SDK1: variants seen among roughly 807,000 people sequenced by gnomAD.
SDK1 encodes sidekick cell adhesion molecule 1.
A neutral mutation model predicts 245.5 loss-of-function variants in SDK1; 157 were observed. That is an observed-to-expected ratio of 0.64 (90% CI 0.56 to 0.73). SDK1 has a LOEUF of 0.73. Ranked by LOEUF, SDK1 falls within the 30% of genes least tolerant of loss-of-function variation. SDK1 has a pLI of 0.00. For missense variants in SDK1, 3,583 were observed against 3,002.3 expected, an observed-to-expected ratio of 1.19 and a Z score of -4.52; for synonymous variants, 1,647 against 1,278.5, an observed-to-expected ratio of 1.29 and a Z score of -6.15.
At chr7:3,309,194 G>C (rs1347094476) in intron 1 of SDK1, among the ~76,000 whole-genome samples, 1 of 152,046 alleles carries the variant, frequency 6.6e-6, no homozygotes, top group Non-Finnish European at 1.5e-5. Flanking sequence ...GTGAAGGTCA[G>C]TTTTGTCTTC....
intron 1 of SDK1, among the ~76,000 whole-genome samples, chr7:3,373,869 C>A (rs894356805): frequency 6.6e-6 from 1 of 152,094 alleles, no homozygotes; most frequent in Non-Finnish European, 1.5e-5. Context: ...AGACCTCATT[C>A]ACAATCACAA....
intron 5 of SDK1, among the ~76,000 whole-genome samples, chr7:3,873,508 G>C (rs764236231): frequency 6.6e-6 from 1 of 152,082 alleles, no homozygotes; most frequent in South Asian, 2.1e-4. Context: ...GAAAATCCTA[G>C]CCCATTATTT....
In SDK1 at chr7:3,550,010, A is replaced by G. The variant is rs1322739577; in HGVS notation, c.299-69070A>G. Among the ~76,000 whole-genome samples, 3 of 152,290 alleles carry G rather than the reference A, an allele frequency of 2.0e-5. No individual in the cohort carries two copies. The East Asian group carries it at 5.8e-4, about 29-fold the overall frequency. On this transcript the variant is annotated intron_variant, in intron 1 of 44. Transcript: ENST00000404826. ...TATATTTTAAGTCTGTAATATGCCTATTAAACATTAGCACAGTTATCAAAA... is the reference window on the plus strand; with the variant it reads ...TATATTTTAAGTCTGTAATATGCCTGTTAAACATTAGCACAGTTATCAAAA...
chr7:3,317,321 A>T (rs1266733459), intron 1 of SDK1, among the ~76,000 whole-genome samples: 1 of 151,948 alleles, frequency 6.6e-6, no homozygotes, highest in Non-Finnish European at 1.5e-5. Flanking sequence ...AGGAACATGT[A>T]TTGATTTCTG....
intron 1 of SDK1, among the ~76,000 whole-genome samples, chr7:3,382,496 C>A (rs1781513109): frequency 6.6e-6 from 1 of 152,204 alleles, no homozygotes; most frequent in Admixed American, 6.5e-5. Flanking sequence ...CACTTCCTCA[C>A]CTCAATCATT....
At chr7:3,443,439 G>A (rs954790361) in intron 1 of SDK1, among the ~76,000 whole-genome samples, 1 of 152,194 alleles carries the variant, frequency 6.6e-6, no homozygotes, top group Non-Finnish European at 1.5e-5. Flanking sequence ...ATAGTTGACA[G>A]ATGTCAGCCA....
intron 4 of SDK1, among the ~76,000 whole-genome samples, chr7:3,725,476 A>C (rs1050317625): frequency 1.3e-5 from 2 of 152,214 alleles, no homozygotes; most frequent in African/African-American, 4.8e-5. Flanking sequence ...TTCTCTATTC[A>C]TAGTTACACA....
At chr7:4,053,086 C>CA (rs923402926) in intron 19 of SDK1, among the ~76,000 whole-genome samples, 1,759 of 59,560 alleles carry the variant, frequency 0.03, 23 homozygotes, top group South Asian at 0.078. Flanking sequence ...GACTCTGTCT[C>CA]AAAAAAAAAA....
Position 4,268,562 on chromosome 7 carries a change from C to T in SDK1, c.*3178C>T. On this transcript the variant is annotated 3_prime_UTR_variant, in exon 45 of 45. Coordinates refer to ENST00000404826, the MANE Select transcript of SDK1 (RefSeq NM_152744.4). ...CTCCACAGCCCCGGGAGGTGGCTCA[C>T]TCTGTACAGGTCTTCGGAGGCCGTG... 1 of 1,323,694 alleles carries T rather than the reference C, an allele frequency of 7.6e-7. No individual in the cohort carries two copies. Among genetic ancestry groups the T allele is most frequent in the Non-Finnish European group, 1.0e-6 (1 of 998,066 alleles). The allele number at this position is 1,323,694 out of a possible 1,614,324, so 82.0% of individuals were successfully genotyped here. A position where few individuals can be genotyped will look rare whatever the true frequency, so the allele number is the denominator to read the frequency against.
At chr7:3,721,253 A>G (rs960793786) in intron 4 of SDK1, among the ~76,000 whole-genome samples, 4 of 152,176 alleles carry the variant, frequency 2.6e-5, no homozygotes, top group Non-Finnish European at 4.4e-5. Flanking sequence ...ACACCCATCC[A>G]TGAGTGCAGG....
intron 1 of SDK1, among the ~76,000 whole-genome samples, chr7:3,594,093 ACT>A (rs1009481890): frequency 6.6e-6 from 1 of 151,932 alleles, no homozygotes; most frequent in African/African-American, 2.4e-5. Flanking sequence ...ACTAGGAGTC[ACT>A]CTCTATCTCC....
At chr7:3,450,215 G>C (rs927593002) in intron 1 of SDK1, among the ~76,000 whole-genome samples, 48 of 152,350 alleles carry the variant, frequency 3.2e-4, no homozygotes, top group African/African-American at 1.2e-3. Context: ...GAGAGATGAT[G>C]TATAGAGTTT....
chr7:3,937,663 TG>T (rs1298712957), intron 5 of SDK1, among the ~76,000 whole-genome samples: 2 of 152,198 alleles, frequency 1.3e-5, no homozygotes, highest in East Asian at 1.9e-4. Flanking sequence ...AAGAGCTTTG[TG>T]CCAGGGAGCT....
At chr7:3,794,716 A>G (rs939644492) in intron 4 of SDK1, among the ~76,000 whole-genome samples, 1 of 152,124 alleles carries the variant, frequency 6.6e-6, no homozygotes, top group Non-Finnish European at 1.5e-5. Context: ...AGACCCCGTA[A>G]TTGTAAGATA....
intron 8 of SDK1, among the ~76,000 whole-genome samples, chr7:3,960,842 C>T (rs1475910890): frequency 6.6e-6 from 1 of 152,206 alleles, no homozygotes; most frequent in Non-Finnish European, 1.5e-5. Context: ...TAGGTGCCAG[C>T]TTCTTAAGGC....
chr7:4,129,973 G>C lies in SDK1; in HGVS notation c.4005G>C (p.Thr1335=). 6.2e-7 allele frequency: 1 copy of C among 1,613,830 alleles called. No homozygotes were observed. Among genetic ancestry groups the C allele is most frequent in the Non-Finnish European group, 8.5e-7 (1 of 1,179,984 alleles). ...GCCACATCGTGCGAGGGAACCACAC[G>C]CAGTCGGCCCTGCTGGCAGGCCTGC... ...PRSHIVRGNH[T]QSALLAGLRK... Residue 1335 remains threonine, a synonymous_variant, in exon 27 of 45, where the codon ACG becomes ACC. Transcript: ENST00000404826.
chr7:3,398,873 C>G (rs1778806155), intron 1 of SDK1, among the ~76,000 whole-genome samples: 1 of 151,370 alleles, frequency 6.6e-6, no homozygotes. Context: ...AGCGCTCCTC[C>G]TAGTAAGCTG....
chr7:3,754,226 G>T (rs1180771793), intron 4 of SDK1, among the ~76,000 whole-genome samples: 1 of 152,086 alleles, frequency 6.6e-6, no homozygotes, highest in Non-Finnish European at 1.5e-5. Flanking sequence ...TCATACCCCA[G>T]GGATTTATTA....
chr7:3,784,184 G>A lies in SDK1; in HGVS notation c.714-37266G>A, dbSNP rs577587449. Among the ~76,000 whole-genome samples, 4 of 150,860 alleles carry A rather than the reference G, an allele frequency of 2.7e-5. No homozygotes were observed. In the South Asian group the frequency reaches 6.3e-4, roughly 24 times the overall value. On this transcript the variant is annotated intron_variant, in intron 4 of 44. Transcript: ENST00000404826. ...GACTCATCCCTGAGCCTGTCAAAGT[G>A]TTGGTATTACAGGCATGACCCCCAT... is the stretch of plus-strand genomic sequence containing the variant.
Sources: allele counts gnomAD v4.1 joint callset (sites outside exome capture counted in the v4.1 genomes callset), GRCh38; gene constraint gnomAD v4.1.1; transcripts MANE v1.5; gene names NCBI Gene and HGNC (gene_info 2026-07-23, HGNC 2026-07-21).